The following GTPBP6 variants were observed in gnomAD, a reference collection of about 807,000 sequenced individuals.
GTPBP6 encodes the protein putative GTP-binding protein 6.
A neutral mutation model predicts 28.9 loss-of-function variants in GTPBP6; 33 were observed. That is an observed-to-expected ratio of 1.14 (90% CI 0.87 to 1.53). The LOEUF is 1.53. GTPBP6 is among the 40% of genes most tolerant of loss of function. The pLI, the probability that GTPBP6 is intolerant of heterozygous loss-of-function variation, is 0.00. For missense variants in GTPBP6, 507 were observed against 408.3 expected, an observed-to-expected ratio of 1.24 and a Z score of -2.08; for synonymous variants, 231 against 192.7, an observed-to-expected ratio of 1.20 and a Z score of -1.65.
exon 9 of GTPBP6, chrX:307,481 C>A: frequency 1.2e-6 from 2 of 1,609,664 alleles, no homozygotes; most frequent in Non-Finnish European, 1.7e-6. Flanking sequence ...AGGGCAGACA[C>A]GGGCACGACG....
intron 7 of GTPBP6, among the ~76,000 whole-genome samples, chrX:308,752 T>C (rs1400569192): frequency 1.4e-5 from 2 of 145,526 alleles, no homozygotes; most frequent in Non-Finnish European, 3.0e-5. Flanking sequence ...TTTTTTTTTT[T>C]TGAGACGAGT....
Position 311,404 on chromosome X carries a change from C to CTGTGTGTG in GTPBP6, c.1125+14_1125+15insCACACACA, listed in dbSNP as rs2070293773. ...GGGTGTCCGAGCACCCGATCCCCGG[C>CTGTGTGTG]CGTCCCACGCTCACCGAGTGGGCCA... On this transcript the variant is annotated intron_variant, in intron 7 of 9. Coordinates refer to ENST00000326153, the Ensembl canonical transcript of GTPBP6. 1 of 1,160,668 alleles carries CTGTGTGTG rather than the reference C, an allele frequency of 8.6e-7. No individual in the cohort carries two copies. Among genetic ancestry groups the CTGTGTGTG allele is most frequent in the Non-Finnish European group, 1.1e-6 (1 of 902,244 alleles). The allele number at this position is 1,160,668 out of a possible 1,614,324, so 71.9% of individuals were successfully genotyped here.
exon 10 of GTPBP6, chrX:304,949 CG>C: frequency 1.3e-6 from 2 of 1,481,996 alleles, no homozygotes; most frequent in African/African-American, 1.4e-5. Flanking sequence ...GGGAGCGAGA[CG>C]GGTGCAGAAC....
At chrX:307,286 C>A in intron 9 of GTPBP6, 74 bp downstream of exon 9, 1 of 1,451,036 alleles carries the variant, frequency 6.9e-7, no homozygotes, top group Non-Finnish European at 9.5e-7. Context: ...TGTGCACCCA[C>A]GAAGAGCCCG....
chrX:311,441 G>T lies in GTPBP6; in HGVS notation c.1103C>A (p.Thr368Asn), dbSNP rs774058992. 1.0e-5 allele frequency: 15 copies of T among 1,456,092 alleles called. No homozygotes were observed. In the South Asian group the frequency reaches 2.0e-4, roughly 19 times the overall value. The allele number at this position is 1,456,092 out of a possible 1,614,324, so 90.2% of individuals were successfully genotyped here. The change falls in exon 7 of 10, where the codon ACC (threonine) becomes AAC (asparagine). Residue 368 changes from threonine to asparagine, a missense_variant. Coordinates refer to ENST00000326153, the Ensembl canonical transcript of GTPBP6. ...CACCGAGTGGGCCACGTCTTCCAGG[G>T]TGGCGGAGAAGGACTCGATGAGGCC...
At chrX:317,787 C>T (rs1238425989) in intron 1 of GTPBP6, among the ~76,000 whole-genome samples, 1 of 145,234 alleles carries the variant, frequency 6.9e-6, no homozygotes, top group Admixed American at 6.9e-5. Flanking sequence ...GCTCCGCCCC[C>T]GCACTTTTAC....
chrX:316,638 C>T (rs1331346656), intron 2 of GTPBP6, among the ~76,000 whole-genome samples: 23,166 of 152,056 alleles, frequency 0.15, 1,841 homozygotes, highest in East Asian at 0.2. Context: ...GCCGGTCCAC[C>T]GCCTACCCTG....
At chrX:314,678 G>C (rs1360675323) in intron 4 of GTPBP6, among the ~76,000 whole-genome samples, 8 of 151,934 alleles carry the variant, frequency 5.3e-5, no homozygotes, top group African/African-American at 1.9e-4. Flanking sequence ...GGGTTTCACC[G>C]TGTTGGCCAG....
At chrX:305,866 C>T (rs2070151577) in intron 9 of GTPBP6, among the ~76,000 whole-genome samples, 1 of 152,146 alleles carries the variant, frequency 6.6e-6, no homozygotes, top group South Asian at 2.1e-4. Flanking sequence ...CCTTGTGGTC[C>T]GCCCACCTCG....
chrX:304,987 G>T, exon 10 of GTPBP6: 1 of 1,555,184 alleles, frequency 6.4e-7, no homozygotes, highest in South Asian at 1.2e-5. Flanking sequence ...TGCTGCACCT[G>T]ACACCAAGCT....
At chrX:305,172 G>C (rs1435319373) in exon 10 of GTPBP6, 4 of 1,613,500 alleles carry the variant, frequency 2.5e-6, no homozygotes, top group African/African-American at 1.3e-5. Flanking sequence ...TCCACCTCCT[G>C]AACTGTGGCC....
chrX:312,704 G>C (rs766668633), intron 6 of GTPBP6, 62 bp downstream of exon 6: 2 of 1,507,796 alleles, frequency 1.3e-6, no homozygotes, highest in Non-Finnish European at 9.0e-7. Flanking sequence ...GCCCTCCCCC[G>C]GGCGAGTCCT....
intron 7 of GTPBP6, among the ~76,000 whole-genome samples, chrX:308,088 C>T (rs1326743883): frequency 6.6e-6 from 1 of 152,134 alleles, no homozygotes; most frequent in Admixed American, 6.5e-5. Flanking sequence ...ACTTACCCAA[C>T]CTTCCAAGCC....
intron 7 of GTPBP6, among the ~76,000 whole-genome samples, chrX:309,466 CAGAA>C (rs200308851): frequency 0.011 from 1,407 of 131,192 alleles, 24 homozygotes; most frequent in African/African-American, 0.035. Flanking sequence ...ATGTTTACGA[CAGAA>C]AGAAAGAGAT....
chrX:318,286 C>A (rs1252275781), intron 1 of GTPBP6, among the ~76,000 whole-genome samples, 153 bp downstream of exon 1: 1 of 150,032 alleles, frequency 6.7e-6, no homozygotes, highest in Non-Finnish European at 1.5e-5. Context: ...CTATGAGATT[C>A]TCCCCACAGA....
At chrX:305,326 T>A in intron 9 of GTPBP6, 129 bp from the exon 10 acceptor site, 1 of 590,908 alleles carries the variant, frequency 1.7e-6, no homozygotes, top group Non-Finnish European at 2.8e-6. Flanking sequence ...TTCCTTTTGT[T>A]TTTTTTTTTT....
chrX:311,541 G>A, exon 7 of GTPBP6: 12 of 1,612,270 alleles, frequency 7.4e-6, no homozygotes, highest in Non-Finnish European at 1.0e-5. Flanking sequence ...GTGCCCGCGT[G>A]GGCCGTGACG....
chrX:312,553 A>G, intron 6 of GTPBP6: 2 of 702,090 alleles, frequency 2.8e-6, no homozygotes, highest in Non-Finnish European at 5.2e-6. Flanking sequence ...TACCCCACAC[A>G]GAGACCACAG....
intron 8 of GTPBP6, 81 bp downstream of exon 8, chrX:307,651 C>G: frequency 7.0e-7 from 1 of 1,426,288 alleles, no homozygotes; most frequent in Non-Finnish European, 9.3e-7. Flanking sequence ...GCGGTTCACA[C>G]GAGGAGACGG....
Sources: allele counts gnomAD v4.1 joint callset (sites outside exome capture counted in the v4.1 genomes callset), GRCh38; gene constraint gnomAD v4.1.1; transcripts MANE v1.5; gene names NCBI Gene and HGNC (gene_info 2026-07-23, HGNC 2026-07-21).